The following KCNMA1 variants were observed in gnomAD, a reference collection of about 807,000 sequenced individuals.
KCNMA1 encodes the protein potassium calcium-activated channel subfamily M alpha 1.
In KCNMA1, 29 loss-of-function variants were observed where a neutral mutation model predicts 140.0. The observed-to-expected ratio is 0.21, with a 90% CI of 0.15 to 0.28. KCNMA1 has a LOEUF of 0.28. Ranked by LOEUF, KCNMA1 falls within the 10% of genes least tolerant of loss-of-function variation. The pLI, the probability that KCNMA1 is intolerant of heterozygous loss-of-function variation, is 1.00. For synonymous variants in KCNMA1, 612 were observed against 611.9 expected (o/e 1.00, Z 0.00); for missense variants, 880 against 1,602.2 (o/e 0.55, Z 7.70).
At chr10:77,615,174 G>GC (rs1187371751) in intron 1 of KCNMA1, among the ~76,000 whole-genome samples, 2 of 152,202 alleles carry the variant, frequency 1.3e-5, no homozygotes, top group African/African-American at 4.8e-5. Context: ...AGCCCACCAG[G>GC]CAGGAGGGCT....
intron 1 of KCNMA1, among the ~76,000 whole-genome samples, chr10:77,595,030 G>A (rs768892047): frequency 6.6e-6 from 1 of 152,140 alleles, no homozygotes; most frequent in Admixed American, 6.5e-5. Flanking sequence ...CAATGAGGTT[G>A]TAAATTCAAG....
At position 77,443,273 on chromosome 10, in the gene KCNMA1, G is replaced by A. The variant is rs144289529; in HGVS notation, c.379-39250C>T. On this transcript the variant is annotated intron_variant, in intron 1 of 27. Transcript: ENST00000286628. ...TTCCAGGACACTCCTGCAGGCCAGG[G>A]ACTGGTTTCTGTTTGTCTAGAAGCC... Among the ~76,000 whole-genome samples the A allele has an allele frequency of 4.5e-4, 69 of 152,304 alleles. 1 individual carries two copies. The highest frequency in any genetic ancestry group is 1.6e-3 in the African/African-American group (65 of 41,560).
chr10:77,249,863 G>C (rs1406453854), intron 3 of KCNMA1: 1 of 152,158 alleles, frequency 6.6e-6, no homozygotes, highest in Non-Finnish European at 1.5e-5. Flanking sequence ...CTGATGGAGG[G>C]AGCATGTGGA....
Position 77,374,243 on chromosome 10 carries a change from C to T in KCNMA1, c.540+29619G>A, listed in dbSNP as rs2094933696. Among the ~76,000 whole-genome samples, 5 of 152,300 alleles carry T rather than the reference C, an allele frequency of 3.3e-5. No individual in the cohort carries two copies. In the South Asian group the frequency reaches 1.0e-3, roughly 32 times the overall value. Reference sequence around the variant, plus strand: ...TGCAAACAACCATGGCGGGAATCTACTCCAGCCTCCCTTCCCGAACATGTG... The same window carrying T: ...TGCAAACAACCATGGCGGGAATCTATTCCAGCCTCCCTTCCCGAACATGTG... On this transcript the variant is annotated intron_variant, in intron 2 of 27. Coordinates refer to ENST00000286628, the MANE Select transcript of KCNMA1 (RefSeq NM_001161352.2).
intron 1 of KCNMA1, among the ~76,000 whole-genome samples, chr10:77,553,601 T>C (rs939098172): frequency 6.6e-6 from 1 of 152,176 alleles, no homozygotes; most frequent in Non-Finnish European, 1.5e-5. Flanking sequence ...TACTCAGCAG[T>C]GAGCCCACCT....
intron 2 of KCNMA1, among the ~76,000 whole-genome samples, chr10:77,373,286 G>A (rs1026798319): frequency 3.0e-4 from 46 of 152,046 alleles, no homozygotes; most frequent in African/African-American, 1.1e-3. Flanking sequence ...ATTATACTTT[G>A]CCACCCAGGT....
At chr10:77,251,774 A>C (rs1481632985) in intron 2 of KCNMA1, among the ~76,000 whole-genome samples, 2 of 152,170 alleles carry the variant, frequency 1.3e-5, no homozygotes, top group African/African-American at 4.8e-5. Flanking sequence ...ACTGTAATCC[A>C]GTTTCAGAAC....
intron 5 of KCNMA1, among the ~76,000 whole-genome samples, chr10:77,175,832 GGGAGGCA>G (rs1486790183): frequency 6.6e-6 from 1 of 152,172 alleles, no homozygotes; most frequent in Non-Finnish European, 1.5e-5. Context: ...ACAGGGAAAG[GGGAGGCA>G]GGAGGCAGGG....
At chr10:77,442,639 G>C (rs763541416) in intron 1 of KCNMA1, among the ~76,000 whole-genome samples, 2 of 152,168 alleles carry the variant, frequency 1.3e-5, no homozygotes, top group Admixed American at 6.5e-5. Context: ...AGCAGGTAAA[G>C]GTTGTCATCT....
In KCNMA1 at chr10:77,620,196, G is replaced by A. The variant is rs1355956901; in HGVS notation, c.378+17069C>T. Among the ~76,000 whole-genome samples, 8 of 152,256 alleles carry A rather than the reference G, an allele frequency of 5.3e-5. No individual in the cohort carries two copies. In the South Asian group the frequency reaches 6.2e-4, roughly 12 times the overall value. On this transcript the variant is annotated intron_variant, in intron 1 of 27. Coordinates refer to ENST00000286628, the MANE Select transcript of KCNMA1 (RefSeq NM_001161352.2). ...TGGCTCGACCTCACCCAGAACCAGCGGCAGAAAGGCCAGTTATGCAACCAT... is the reference window on the plus strand; with the variant it reads ...TGGCTCGACCTCACCCAGAACCAGCAGCAGAAAGGCCAGTTATGCAACCAT...
At chr10:77,212,205 C>T (rs1165103531) in intron 3 of KCNMA1, among the ~76,000 whole-genome samples, 1 of 151,952 alleles carries the variant, frequency 6.6e-6, no homozygotes. Flanking sequence ...CCTAGGTGCC[C>T]ATCAATGGTG....
intron 2 of KCNMA1, among the ~76,000 whole-genome samples, chr10:77,344,769 G>T (rs904846436): frequency 1.3e-5 from 2 of 151,944 alleles, no homozygotes; most frequent in Non-Finnish European, 2.9e-5. Context: ...CTACCTTAAA[G>T]TATTATTTAT....
intron 1 of KCNMA1, among the ~76,000 whole-genome samples, chr10:77,496,675 C>A (rs1037882201): frequency 7.0e-6 from 1 of 142,880 alleles, no homozygotes; most frequent in African/African-American, 2.6e-5. Context: ...AGCTATATAC[C>A]ATGTTTGTTT....
intron 1 of KCNMA1, among the ~76,000 whole-genome samples, chr10:77,539,939 G>A (rs1192156242): frequency 1.3e-5 from 2 of 152,194 alleles, no homozygotes; most frequent in African/African-American, 2.4e-5. Context: ...ACCACTCTGG[G>A]AGAGCAGCGA....
intron 2 of KCNMA1, among the ~76,000 whole-genome samples, chr10:77,311,590 A>G (rs2079309795): frequency 6.6e-6 from 1 of 152,206 alleles, no homozygotes; most frequent in African/African-American, 2.4e-5. Context: ...TATCATTTAA[A>G]AAAATAAATA....
intron 1 of KCNMA1, among the ~76,000 whole-genome samples, chr10:77,406,380 A>G (rs959826869): frequency 2.6e-5 from 4 of 152,190 alleles, no homozygotes; most frequent in Non-Finnish European, 5.9e-5. Flanking sequence ...ACAGTGTCCA[A>G]TAGCACAAAA....
intron 1 of KCNMA1, among the ~76,000 whole-genome samples, chr10:77,550,031 T>C (rs1393964519): frequency 6.6e-6 from 1 of 152,154 alleles, no homozygotes; most frequent in East Asian, 1.9e-4. Flanking sequence ...AAGAATAAGT[T>C]GAAAACAAAT....
chr10:77,305,979 C>T (rs1349671824), intron 2 of KCNMA1, among the ~76,000 whole-genome samples: 2 of 152,200 alleles, frequency 1.3e-5, no homozygotes, highest in South Asian at 2.1e-4. Flanking sequence ...TCTTCTGCTA[C>T]GTGCCTGGGC....
intron 9 of KCNMA1, among the ~76,000 whole-genome samples, chr10:77,097,014 C>T (rs912980127): frequency 6.6e-6 from 1 of 152,160 alleles, no homozygotes; most frequent in Non-Finnish European, 1.5e-5. Flanking sequence ...ACGACCTAAA[C>T]CACACAGTGG....
Sources: gnomAD v4.1 joint callset for allele counts (sites outside exome capture counted in the v4.1 genomes callset) on GRCh38, gnomAD v4.1.1 for gene constraint, MANE v1.5 for transcripts, NCBI Gene and HGNC (gene_info 2026-07-23, HGNC 2026-07-21) for gene names.